Variants in CERS6 observed in about 807,000 individuals in gnomAD.
CERS6 encodes the protein LAG1 homolog, ceramide synthase 6.
Under a neutral mutation model 56.8 loss-of-function variants are expected in CERS6, and 26 were observed. The observed-to-expected ratio is 0.46, with a 90% confidence interval of 0.34 to 0.63. CERS6 has a LOEUF of 0.63. Among genes scored for constraint, CERS6 ranks in the 30% least tolerant of loss-of-function variants. The pLI is 0.01. For missense variants in CERS6, 415 were observed against 467.5 expected (o/e 0.89, Z 1.04); for synonymous variants, 164 against 173.3 (o/e 0.95, Z 0.42).
At position 168,765,663 on chromosome 2, in the gene CERS6, T is replaced by C. The variant is rs768678854; in HGVS notation, c.917T>C (p.Leu306Pro). The stretch of plus-strand genomic sequence containing the variant: ...TACCCTTCCTGGTGGGTTTTTAACC[T>C]ACTGCTATTGCTAGTACAAGGGTTG... ...GPYPSWWVFN[L>P]LLLLVQGLNC... Residue 306 changes from leucine to proline, a missense_variant, in exon 9 of 10, where the codon CTA becomes CCA. Physicochemically the swap from Leu to Pro is moderately conservative, Grantham distance 98. Coordinates refer to ENST00000305747, the MANE Select transcript of CERS6 (RefSeq NM_203463.3). 5 of 1,614,194 alleles carry C rather than the reference T, an allele frequency of 3.1e-6. No homozygotes were observed. The highest frequency in any genetic ancestry group is 4.2e-6 in the Non-Finnish European group (5 of 1,179,984).
At chr2:168,692,780 A>G (rs986922397) in intron 5 of CERS6, among the ~76,000 whole-genome samples, 3 of 152,144 alleles carry the variant, frequency 2.0e-5, no homozygotes, top group African/African-American at 7.2e-5. Context: ...GGAACTAAAC[A>G]GCATATAATT....
At chr2:168,558,597 C>T (rs758238667) in intron 2 of CERS6, among the ~76,000 whole-genome samples, 5 of 152,170 alleles carry the variant, frequency 3.3e-5, no homozygotes, top group Admixed American at 1.3e-4. Context: ...AGGCTGGGCG[C>T]GGTGGCTCAC....
At chr2:168,616,981 A>G (rs1466131083) in intron 3 of CERS6, among the ~76,000 whole-genome samples, 2 of 152,212 alleles carry the variant, frequency 1.3e-5, no homozygotes, top group Admixed American at 1.3e-4. Context: ...ACCATATGAT[A>G]GGCCACAAAA....
chr2:168,741,059 A>G (rs1255236000), intron 8 of CERS6, among the ~76,000 whole-genome samples: 2 of 152,220 alleles, frequency 1.3e-5, no homozygotes, highest in Non-Finnish European at 2.9e-5. Context: ...GGCTGAAGCC[A>G]TGAACTGTGG....
intron 4 of CERS6, among the ~76,000 whole-genome samples, chr2:168,645,363 T>G (rs1025182504): frequency 6.6e-6 from 1 of 150,468 alleles, no homozygotes; most frequent in Non-Finnish European, 1.5e-5. Context: ...TCATTTAGAG[T>G]CTCTAACTTA....
intron 6 of CERS6, among the ~76,000 whole-genome samples, chr2:168,708,028 G>T (rs1574178636): frequency 6.6e-6 from 1 of 152,118 alleles, no homozygotes; most frequent in Non-Finnish European, 1.5e-5. Context: ...AAGATTGTTA[G>T]TATACCATTT....
chr2:168,524,356 A>G (rs1695033599), intron 1 of CERS6, among the ~76,000 whole-genome samples: 1 of 152,228 alleles, frequency 6.6e-6, no homozygotes, highest in Non-Finnish European at 1.5e-5. Flanking sequence ...CATTGAGCTA[A>G]TTTTGCTATA....
rs201844013 is a variant in CERS6, at chr2:168,753,057, G to A, written c.846-12535G>A. 1.3e-4 allele frequency among the ~76,000 whole-genome samples: 20 copies of A among 152,268 alleles called. No individual in the cohort carries two copies. The East Asian group carries it at 3.5e-3, about 26-fold the overall frequency. Reference sequence around the variant, plus strand: ...TGAAAACATAAAAATTCATAAGGTCGTTTATGTTAGAGTTTAAGAAACCTT... The same window carrying A: ...TGAAAACATAAAAATTCATAAGGTCATTTATGTTAGAGTTTAAGAAACCTT... On this transcript the variant is annotated intron_variant, in intron 8 of 9. Transcript: ENST00000305747.
intron 4 of CERS6, among the ~76,000 whole-genome samples, chr2:168,667,889 G>A (rs1369275345): frequency 6.6e-6 from 1 of 152,212 alleles, no homozygotes; most frequent in Non-Finnish European, 1.5e-5. Context: ...TGCATGGAGG[G>A]ACCTTCTGTG....
Position 168,765,757 on chromosome 2 carries a change from C to CTTAA in CERS6, c.1002+9_1002+10insTTAA, listed in dbSNP as rs1411524759. On this transcript the variant is annotated intron_variant, in intron 9 of 9. Coordinates refer to ENST00000305747, the MANE Select transcript of CERS6 (RefSeq NM_203463.3). ...CTGTTTCAAGAGGCAAGGTAAGCTA[C>CTTAA]AACTCACTTTTTCCAATATGTCTTA... 1.9e-6 allele frequency: 3 copies of CTTAA among 1,602,620 alleles called. No homozygotes were observed. Among genetic ancestry groups the CTTAA allele is most frequent in the Non-Finnish European group, 2.6e-6 (3 of 1,175,836 alleles).
rs139685296 is a variant in CERS6, at chr2:168,638,519, A to G, written c.465+7477A>G. Among the ~76,000 whole-genome samples the G allele has an allele frequency of 2.8e-3, 423 of 152,244 alleles. 4 individuals carry two copies. Among genetic ancestry groups the G allele is most frequent in the African/African-American group, 9.3e-3 (385 of 41,548 alleles). On this transcript the variant is annotated intron_variant, in intron 4 of 9. Transcript: ENST00000305747. ...ATTAAAATATATAAACAAAAATTCAATTCAGGGATTTTTTTTGAAGCTAAT... is the reference window on the plus strand; with the variant it reads ...ATTAAAATATATAAACAAAAATTCAGTTCAGGGATTTTTTTTGAAGCTAAT...
rs1233186060 is a variant in CERS6, at chr2:168,533,057, A to G, written c.171-14539A>G. Among the ~76,000 whole-genome samples the G allele has an allele frequency of 2.0e-5, 3 of 152,362 alleles. No homozygotes were observed. In the East Asian group the frequency reaches 5.8e-4, roughly 29 times the overall value. ...CACATTGTCTTAACCCTAAAAGGTTATTGCCTTTAACAGTTTCTCACTACT... is the reference window on the plus strand; with the variant it reads ...CACATTGTCTTAACCCTAAAAGGTTGTTGCCTTTAACAGTTTCTCACTACT... On this transcript the variant is annotated intron_variant, in intron 1 of 9. Transcript: ENST00000305747.
intron 4 of CERS6, among the ~76,000 whole-genome samples, chr2:168,661,985 C>A (rs1403018759): frequency 6.6e-6 from 1 of 152,192 alleles, no homozygotes. Flanking sequence ...AGACATATTG[C>A]AGTCTCTTTT....
intron 8 of CERS6, among the ~76,000 whole-genome samples, chr2:168,735,304 A>T (rs1292410471): frequency 6.6e-6 from 1 of 152,120 alleles, no homozygotes; most frequent in Non-Finnish European, 1.5e-5. Flanking sequence ...AAAAAAAAAA[A>T]GTTAATAAGC....
At chr2:168,663,269 G>A (rs1428825292) in intron 4 of CERS6, among the ~76,000 whole-genome samples, 1 of 152,042 alleles carries the variant, frequency 6.6e-6, no homozygotes, top group Non-Finnish European at 1.5e-5. Flanking sequence ...TTCAGTTGAT[G>A]ATTCATGCCT....
At chr2:168,530,890 A>G (rs1695155150) in intron 1 of CERS6, among the ~76,000 whole-genome samples, 1 of 152,266 alleles carries the variant, frequency 6.6e-6, no homozygotes, top group Admixed American at 6.5e-5. Flanking sequence ...AGATTAAGCT[A>G]TGATTTTTAG....
rs201966534 is a variant in CERS6, at chr2:168,717,930, T to C, written c.797T>C (p.Met266Thr). ...AAAATGTGTGATCTCCTGTTTGTTA[T>C]GTTTGCCGTGGTTTTTATCACCACA... ...FQKMCDLLFV[M>T]FAVVFITTRL... The change falls in exon 8 of 10, where the codon ATG becomes ACG. Residue 266 changes from methionine (M) to threonine (T), a missense_variant. Coordinates refer to ENST00000305747, the MANE Select transcript of CERS6 (RefSeq NM_203463.3). The C allele has an allele frequency of 3.7e-6, 6 of 1,613,834 alleles. No individual in the cohort carries two copies. The highest frequency in any genetic ancestry group is 1.7e-5 in the Admixed American group (1 of 60,006).
At chr2:168,503,218 G>A (rs1197375006) in intron 1 of CERS6, among the ~76,000 whole-genome samples, 1 of 152,070 alleles carries the variant, frequency 6.6e-6, no homozygotes, top group Non-Finnish European at 1.5e-5. Flanking sequence ...GTTTCCTGAG[G>A]CCTCCCCAGC....
At chr2:168,464,305 C>T (rs1021045609) in intron 1 of CERS6, among the ~76,000 whole-genome samples, 5 of 151,522 alleles carry the variant, frequency 3.3e-5, no homozygotes, top group African/African-American at 1.2e-4. Context: ...GATTCTCATG[C>T]CTCAGCCCCC....
Sources: gnomAD v4.1 joint callset for allele counts (sites outside exome capture counted in the v4.1 genomes callset) on GRCh38, gnomAD v4.1.1 for gene constraint, MANE v1.5 for transcripts, NCBI Gene and HGNC (gene_info 2026-07-23, HGNC 2026-07-21) for gene names.